STAG1: variants seen among roughly 807,000 people sequenced by gnomAD.
STAG1 encodes cohesin subunit SA-1.
STAG1 carries 26 observed loss-of-function variants against 170.9 expected under a neutral mutation model. The ratio of observed to expected loss-of-function variants is 0.15; its 90% confidence interval spans 0.11 to 0.21. The LOEUF (loss-of-function observed/expected upper bound fraction) is 0.21, where lower values mean the gene tolerates loss of function less well. STAG1 is among the 10% of genes least tolerant of loss of function. STAG1 has a pLI of 1.00. For synonymous variants in STAG1, 514 were observed against 497.7 expected (o/e 1.03, Z -0.44); for missense variants, 964 against 1,509.5 (o/e 0.64, Z 5.99).
intron 1 of STAG1, among the ~76,000 whole-genome samples, chr3:136,663,182 T>A (rs960145596): frequency 6.6e-6 from 1 of 152,164 alleles, no homozygotes; most frequent in Admixed American, 6.5e-5. Flanking sequence ...TTTGTTTTTT[T>A]AAAAAGGATA....
chr3:136,401,231 TATGTTTTA>T (rs1168873778), intron 21 of STAG1, among the ~76,000 whole-genome samples: 1 of 152,186 alleles, frequency 6.6e-6, no homozygotes, highest in Non-Finnish European at 1.5e-5. Flanking sequence ...TATTATTAGG[TATGTTTTA>T]TTGCAGTAAG....
At chr3:136,500,083 T>G in intron 9 of STAG1, 140 bp downstream of exon 9, 1 of 595,466 alleles carries the variant, frequency 1.7e-6, no homozygotes, top group Non-Finnish European at 3.0e-6. Context: ...AGTTGTAGTG[T>G]GACACTGACA....
At chr3:136,553,940 G>A (rs1279030195) in intron 5 of STAG1, among the ~76,000 whole-genome samples, 1 of 151,846 alleles carries the variant, frequency 6.6e-6, no homozygotes, top group Non-Finnish European at 1.5e-5. Context: ...ATGCAAAAGG[G>A]ACTAAATGGT....
intron 4 of STAG1, among the ~76,000 whole-genome samples, chr3:136,584,981 T>C (rs1174225913): frequency 1.3e-5 from 2 of 152,256 alleles, no homozygotes; most frequent in African/African-American, 4.8e-5. Context: ...ACTCACATTC[T>C]TGTTCTTTTT....
intron 4 of STAG1, among the ~76,000 whole-genome samples, chr3:136,573,305 A>C (rs1937336132): frequency 1.3e-5 from 2 of 152,172 alleles, no homozygotes; most frequent in South Asian, 4.1e-4. Context: ...AGGTGGGTGG[A>C]TAATGCAGCC....
Position 136,396,209 on chromosome 3 carries a change from GT to G in STAG1, c.2277+2539del, listed in dbSNP as rs1157402968. 6.7e-3 allele frequency among the ~76,000 whole-genome samples: 591 copies of G among 87,930 alleles called. 4 individuals are homozygous for G. Among genetic ancestry groups the G allele is most frequent in the African/African-American group, 0.023 (540 of 23,606 alleles). The allele number at this position is 87,930 out of a possible 152,430, so 57.7% of individuals were successfully genotyped here. On this transcript the variant is annotated intron_variant, in intron 22 of 33. Transcript: ENST00000383202. ...GAGCCGCCAGGCCCAGTGTAACACA[GT>G]TTTTTTTTTTTTTTTTTTTTTTTGA...
chr3:136,631,037 T>C (rs1054433111), intron 1 of STAG1, 56 bp from the exon 2 acceptor site: 3 of 811,996 alleles, frequency 3.7e-6, no homozygotes, highest in Admixed American at 3.1e-5. Flanking sequence ...ACAAAATTCA[T>C]AAACTACAAT....
At chr3:136,627,255 TGAAAAA>T (rs953945334) in intron 2 of STAG1, among the ~76,000 whole-genome samples, 74 of 152,328 alleles carry the variant, frequency 4.9e-4, no homozygotes, top group Non-Finnish European at 3.2e-4. Flanking sequence ...TCTAGGCTTT[TGAAAAA>T]GAAAATTTCG....
chr3:136,729,948 G>C (rs1201349729), intron 1 of STAG1, among the ~76,000 whole-genome samples: 1 of 126,340 alleles, frequency 7.9e-6, no homozygotes, highest in Admixed American at 9.6e-5. Context: ...GAGTGCAGTA[G>C]CGTGATCTCA....
Position 136,377,789 on chromosome 3 carries a change from A to G in STAG1, c.2278-37T>C, listed in dbSNP as rs375036000. 1,039 of 1,547,282 alleles carry G rather than the reference A, an allele frequency of 6.7e-4. 1 individual carries two copies. The highest frequency in any genetic ancestry group is 8.1e-4 in the Non-Finnish European group (905 of 1,119,866). ...ATTCAAATTTGCAAGCGTGAATTAC[A>G]GGATCACAGAAAACTGATCTAGAAG... On this transcript the variant is annotated intron_variant, in intron 22 of 33. Coordinates refer to ENST00000383202, the MANE Select transcript of STAG1 (RefSeq NM_005862.3).
chr3:136,736,982 G>C, intron 1 of STAG1: 2 of 1,595,582 alleles, frequency 1.3e-6, no homozygotes. Flanking sequence ...GCATCATCTT[G>C]ATTTTTGTCA....
At chr3:136,604,653 C>G (rs1034453892) in intron 3 of STAG1, among the ~76,000 whole-genome samples, 180 bp from the exon 4 acceptor site, 1 of 151,806 alleles carries the variant, frequency 6.6e-6, no homozygotes, top group African/African-American at 2.4e-5. Context: ...ATGAAGGTAA[C>G]TTTCTTTTGT....
intron 1 of STAG1, among the ~76,000 whole-genome samples, chr3:136,656,311 T>C (rs1444187881): frequency 1.3e-5 from 2 of 151,830 alleles, no homozygotes; most frequent in Non-Finnish European, 2.9e-5. Flanking sequence ...GGGTATAGAG[T>C]TTCCAGTTTG....
intron 7 of STAG1, among the ~76,000 whole-genome samples, chr3:136,506,476 C>CAAAAAAAAAAA (rs11414654): frequency 8.2e-5 from 7 of 85,144 alleles, no homozygotes; most frequent in South Asian, 4.7e-4. Context: ...ACTAAAAATA[C>CAAAAAAAAAAA]AAAAAAAAAA....
chr3:136,445,131 T>C (rs1045452839), intron 14 of STAG1, among the ~76,000 whole-genome samples: 16 of 151,922 alleles, frequency 1.1e-4, no homozygotes, highest in African/African-American at 3.9e-4. Flanking sequence ...ACTAATTCAG[T>C]ACTTCATTTC....
At chr3:136,563,374 TC>T (rs1936920036) in intron 5 of STAG1, among the ~76,000 whole-genome samples, 1 of 152,172 alleles carries the variant, frequency 6.6e-6, no homozygotes, top group Non-Finnish European at 1.5e-5. Flanking sequence ...ATATTCTCCC[TC>T]CATCTTTGTT....
At chr3:136,529,027 A>T (rs925206590) in intron 6 of STAG1, among the ~76,000 whole-genome samples, 1 of 152,176 alleles carries the variant, frequency 6.6e-6, no homozygotes, top group Non-Finnish European at 1.5e-5. Flanking sequence ...TAAAATAAAA[A>T]ATACATTTGC....
intron 1 of STAG1, among the ~76,000 whole-genome samples, chr3:136,635,382 A>G (rs914433532): frequency 6.6e-6 from 1 of 152,200 alleles, no homozygotes; most frequent in Non-Finnish European, 1.5e-5. Flanking sequence ...TGATCATACC[A>G]AAAGACAAAG....
chr3:136,616,547 G>A (rs1288074600), intron 3 of STAG1, among the ~76,000 whole-genome samples: 1 of 152,054 alleles, frequency 6.6e-6, no homozygotes, highest in Admixed American at 6.6e-5. Context: ...GCACATTTAA[G>A]CTCCAAAAAA....
Sources: gnomAD v4.1 joint callset for allele counts (sites outside exome capture counted in the v4.1 genomes callset) on GRCh38, gnomAD v4.1.1 for gene constraint, MANE v1.5 for transcripts, NCBI Gene and HGNC (gene_info 2026-07-23, HGNC 2026-07-21) for gene names.